The following GRID2 variants were observed in gnomAD, a reference collection of about 807,000 sequenced individuals.
GRID2 encodes the protein glutamate ionotropic receptor delta type subunit 2.
Under a neutral mutation model 114.8 loss-of-function variants are expected in GRID2, and 33 were observed. The ratio of observed to expected loss-of-function variants is 0.29; its 90% confidence interval spans 0.22 to 0.38. The LOEUF is 0.38. Ranked by LOEUF, GRID2 falls within the 10% of genes least tolerant of loss-of-function variation. The pLI is 1.00. For synonymous variants in GRID2, 505 were observed against 449.9 expected (o/e 1.12, Z -1.55); for missense variants, 1,184 against 1,257.7 (o/e 0.94, Z 0.89).
intron 2 of GRID2, among the ~76,000 whole-genome samples, chr4:92,934,484 T>C (rs1750487998): frequency 6.8e-6 from 1 of 146,472 alleles, no homozygotes; most frequent in Non-Finnish European, 1.5e-5. Context: ...ATAGATTCAA[T>C]GCCATCCCCA....
chr4:93,328,049 C>T (rs925726502), intron 8 of GRID2, among the ~76,000 whole-genome samples: 2 of 151,978 alleles, frequency 1.3e-5, no homozygotes, highest in African/African-American at 2.4e-5. Context: ...CGCAGTGGCT[C>T]ACACCTGTAA....
At chr4:93,236,014 T>A (rs11938158) in intron 7 of GRID2, among the ~76,000 whole-genome samples, 27,095 of 151,996 alleles carry the variant, frequency 0.18, 3,272 homozygotes, top group African/African-American at 0.33. Flanking sequence ...GATTCTGATA[T>A]AATTAGAAGA....
chr4:93,201,558 A>T lies in GRID2; in HGVS notation c.736-5846A>T, dbSNP rs549169446. Among the ~76,000 whole-genome samples, 4 of 152,240 alleles carry T rather than the reference A, an allele frequency of 2.6e-5. No individual in the cohort carries two copies. The South Asian group carries it at 8.3e-4, about 32-fold the overall frequency. On this transcript the variant is annotated intron_variant, in intron 4 of 15. Transcript: ENST00000282020. The stretch of plus-strand genomic sequence containing the variant: ...TGCTACAGGTGCACAGAGCACTGGA[A>T]CTCTCTGCGTAAATGTGTAATATTT...
chr4:93,664,691 G>A lies in GRID2; in HGVS notation c.2360+38256G>A, dbSNP rs77705740. On this transcript the variant is annotated intron_variant, in intron 14 of 15. Transcript: ENST00000282020. ...GGGAGATCAATTCTGGACGTGGGAC[G>A]TTTGAAGCTGTGGAGTATACATAAT... Among the ~76,000 whole-genome samples the A allele has an allele frequency of 7.6e-3, 1,163 of 152,208 alleles. 17 individuals carry two copies. The highest frequency in any genetic ancestry group is 0.026 in the African/African-American group (1,084 of 41,534).
intron 1 of GRID2, among the ~76,000 whole-genome samples, chr4:92,442,496 G>A (rs1201955257): frequency 6.6e-6 from 1 of 152,096 alleles, no homozygotes; most frequent in East Asian, 1.9e-4. Flanking sequence ...AAGTTCTTGT[G>A]TGCTGGAGAT....
intron 2 of GRID2, among the ~76,000 whole-genome samples, chr4:92,925,328 G>A (rs111510076): frequency 0.015 from 2,229 of 152,064 alleles, 21 homozygotes; most frequent in East Asian, 0.053. Context: ...GAGATTAGAG[G>A]TGTCACTCAT....
chr4:92,316,748 A>G (rs1407936581), intron 1 of GRID2, among the ~76,000 whole-genome samples: 1 of 152,168 alleles, frequency 6.6e-6, no homozygotes, highest in Non-Finnish European at 1.5e-5. Context: ...TGCCATTTTT[A>G]TAGTAGCCTA....
intron 13 of GRID2, among the ~76,000 whole-genome samples, chr4:93,553,748 T>G (rs1172592637): frequency 6.6e-6 from 1 of 152,196 alleles, no homozygotes; most frequent in Non-Finnish European, 1.5e-5. Flanking sequence ...TCTAACCTAG[T>G]ACATTTATGA....
chr4:93,604,881 CTT>C (rs1740051834), intron 13 of GRID2, among the ~76,000 whole-genome samples: 1 of 152,148 alleles, frequency 6.6e-6, no homozygotes, highest in Admixed American at 6.5e-5. Context: ...CCATTGCACA[CTT>C]AATAGACTTC....
chr4:93,617,269 TCAGG>T (rs1157057911), intron 13 of GRID2, among the ~76,000 whole-genome samples: 4 of 152,218 alleles, frequency 2.6e-5, no homozygotes, highest in African/African-American at 9.6e-5. Context: ...TATAGAGCTA[TCAGG>T]GGAATGGTAC....
At chr4:93,182,484 A>C (rs1739988875) in intron 4 of GRID2, among the ~76,000 whole-genome samples, 1 of 152,202 alleles carries the variant, frequency 6.6e-6, no homozygotes, top group Admixed American at 6.5e-5. Flanking sequence ...AGTGATCAAA[A>C]ATAGTCATAT....
At chr4:93,709,424 G>A (rs543609177) in intron 14 of GRID2, among the ~76,000 whole-genome samples, 1 of 152,112 alleles carries the variant, frequency 6.6e-6, no homozygotes, top group Non-Finnish European at 1.5e-5. Flanking sequence ...CTCTTGGCTT[G>A]TAAGTTTTCC....
At chr4:92,463,917 T>C (rs1378706535) in intron 1 of GRID2, among the ~76,000 whole-genome samples, 3 of 151,890 alleles carry the variant, frequency 2.0e-5, no homozygotes, top group Non-Finnish European at 4.4e-5. Flanking sequence ...CTCTGCTTCC[T>C]TTTTTCCCTT....
At chr4:93,143,745 T>G (rs2149388764) in intron 4 of GRID2, among the ~76,000 whole-genome samples, 1 of 152,340 alleles carries the variant, frequency 6.6e-6, no homozygotes, top group East Asian at 1.9e-4. Context: ...GGAGCAATTA[T>G]GACCTACCTT....
intron 2 of GRID2, among the ~76,000 whole-genome samples, chr4:93,002,194 T>C (rs1342169124): frequency 6.6e-6 from 1 of 151,750 alleles, no homozygotes; most frequent in African/African-American, 2.4e-5. Flanking sequence ...ATTATGATAA[T>C]TTTATCCTTT....
intron 2 of GRID2, among the ~76,000 whole-genome samples, chr4:92,989,066 C>G (rs1335780330): frequency 6.6e-6 from 1 of 151,678 alleles, no homozygotes; most frequent in Admixed American, 6.6e-5. Context: ...TCACGAGGTC[C>G]GGAGATGGAG....
At chr4:93,481,558 G>T (rs1227237424) in intron 11 of GRID2, among the ~76,000 whole-genome samples, 1 of 152,054 alleles carries the variant, frequency 6.6e-6, no homozygotes, top group East Asian at 1.9e-4. Context: ...TTCATTCGGA[G>T]ACTTCAGAGC....
intron 2 of GRID2, among the ~76,000 whole-genome samples, chr4:92,673,914 T>G (rs1218953944): frequency 2.6e-5 from 4 of 152,140 alleles, no homozygotes; most frequent in Admixed American, 2.0e-4. Context: ...ACATGGCACA[T>G]GTATACATTT....
chr4:93,249,573 T>C (rs896610279), intron 8 of GRID2, among the ~76,000 whole-genome samples: 2 of 152,118 alleles, frequency 1.3e-5, no homozygotes, highest in Non-Finnish European at 2.9e-5. Context: ...GTAGTTCTCC[T>C]TGAAGAGGTC....
Sources: gnomAD v4.1 joint callset for allele counts (sites outside exome capture counted in the v4.1 genomes callset) on GRCh38, gnomAD v4.1.1 for gene constraint, MANE v1.5 for transcripts, NCBI Gene and HGNC (gene_info 2026-07-23, HGNC 2026-07-21) for gene names.